Variants in MON2 observed in about 807,000 individuals in gnomAD.
MON2 encodes MON2 regulator of endosome-to-Golgi trafficking.
Under a neutral mutation model 208.6 loss-of-function variants are expected in MON2, and 84 were observed. That is an observed-to-expected ratio of 0.40 (90% CI 0.34 to 0.48). The LOEUF (loss-of-function observed/expected upper bound fraction) is 0.48. Ranked by LOEUF, MON2 falls within the 20% of genes least tolerant of loss-of-function variation. MON2 has a pLI of 0.59. For missense variants in MON2, 1,611 were observed against 2,015.4 expected (o/e 0.80, Z 3.84); for synonymous variants, 660 against 694.0 (o/e 0.95, Z 0.77).
At chr12:62,491,307 A>T (rs1034465030) in intron 2 of MON2, among the ~76,000 whole-genome samples, 1 of 152,182 alleles carries the variant, frequency 6.6e-6, no homozygotes, top group Non-Finnish European at 1.5e-5. Flanking sequence ...GTTCATTCCC[A>T]GTGCTGTTTA....
chr12:62,573,559 A>G (rs2074676447), intron 30 of MON2, among the ~76,000 whole-genome samples: 1 of 151,804 alleles, frequency 6.6e-6, no homozygotes, highest in Non-Finnish European at 1.5e-5. Flanking sequence ...GATCCTGTAT[A>G]TAAAAAAAAA....
intron 32 of MON2, among the ~76,000 whole-genome samples, chr12:62,584,964 T>C (rs1043739346): frequency 6.6e-6 from 1 of 151,798 alleles, no homozygotes; most frequent in African/African-American, 2.4e-5. Flanking sequence ...AGTGCTGTTT[T>C]ATGGTATAGA....
In MON2 at chr12:62,585,312, G is replaced by A. The variant is rs925252023; in HGVS notation, c.4718G>A (p.Arg1573His). 8 of 1,612,832 alleles carry A rather than the reference G, an allele frequency of 5.0e-6. No homozygotes were observed. The highest frequency in any genetic ancestry group is 1.7e-5 in the Admixed American group (1 of 59,944). ...TTTACAGAAGCAGAGATTGATATTCGTTTGAGAGAGGAATTTTCTAAAATG... is the reference window on the plus strand; with the variant it reads ...TTTACAGAAGCAGAGATTGATATTCATTTGAGAGAGGAATTTTCTAAAATG... ...SSFTEAEIDI[R>H]LREEFSKMCF... The change falls in exon 33 of 35, where the codon CGT becomes CAT. Residue 1573 changes from arginine to histidine, a missense_variant. Coordinates refer to ENST00000393630, the MANE Select transcript of MON2 (RefSeq NM_015026.3).
chr12:62,585,065 G>GCACACACA (rs57834850), intron 32 of MON2, among the ~76,000 whole-genome samples: 3 of 98,800 alleles, frequency 3.0e-5, no homozygotes, highest in Non-Finnish European at 5.9e-5. Context: ...CTCTCTACAT[G>GCACACACA]CACACACACA....
chr12:62,473,226 A>C lies in MON2; in HGVS notation c.111+5908A>C, dbSNP rs146803813. Among the ~76,000 whole-genome samples, 25 of 152,342 alleles carry C rather than the reference A, an allele frequency of 1.6e-4. No homozygotes were observed. In the South Asian group the frequency reaches 1.9e-3, roughly 11 times the overall value. On this transcript the variant is annotated intron_variant, in intron 1 of 34. Coordinates refer to ENST00000393630, the MANE Select transcript of MON2 (RefSeq NM_015026.3). ...TTGGAACTTTGCATCCTTAGACTCTAATGCAACATGCCATATTAAATATTT... is the reference window on the plus strand; with the variant it reads ...TTGGAACTTTGCATCCTTAGACTCTCATGCAACATGCCATATTAAATATTT...
chr12:62,590,714 T>C (rs559639967), intron 34 of MON2, among the ~76,000 whole-genome samples: 8 of 152,330 alleles, frequency 5.3e-5, no homozygotes, highest in Admixed American at 1.3e-4. Flanking sequence ...AGAGTCTTGT[T>C]CTGTTGCCCA....
At chr12:62,522,180 G>C (rs1029163266) in intron 8 of MON2, among the ~76,000 whole-genome samples, 1 of 151,774 alleles carries the variant, frequency 6.6e-6, no homozygotes, top group Non-Finnish European at 1.5e-5. Flanking sequence ...GAGTGAAACT[G>C]TCTCAAAAGA....
intron 16 of MON2, 114 bp from the exon 17 acceptor site, chr12:62,537,982 C>A: frequency 1.1e-6 from 1 of 889,020 alleles, no homozygotes; most frequent in African/African-American, 1.7e-5. Context: ...TTTTAAAAAC[C>A]TACTACTGAT....
rs868760697 is a variant in MON2, at chr12:62,593,397, G to A, written c.*648G>A. ...CTTATAATTTGCCTTCATATGTGGC[G>A]GATAAGCTCACCATATGATCATGCA... is the stretch of plus-strand genomic sequence containing the variant. On this transcript the variant is annotated 3_prime_UTR_variant, in exon 35 of 35. Coordinates refer to ENST00000393630, the MANE Select transcript of MON2 (RefSeq NM_015026.3). The A allele has an allele frequency of 3.3e-5, 5 of 152,292 alleles. No individual in the cohort carries two copies. Among genetic ancestry groups the A allele is most frequent in the Non-Finnish European group, 5.9e-5 (4 of 67,954 alleles). The allele number at this position is 152,292 out of a possible 1,614,324, so 9.4% of individuals were successfully genotyped here.
intron 2 of MON2, among the ~76,000 whole-genome samples, chr12:62,490,592 A>G (rs1356374877): frequency 6.6e-6 from 1 of 152,156 alleles, no homozygotes; most frequent in Admixed American, 6.5e-5. Flanking sequence ...AGGAAAAGCA[A>G]TAACTTTTTT....
chr12:62,540,969 T>A (rs1258002706), intron 19 of MON2, among the ~76,000 whole-genome samples: 1 of 152,218 alleles, frequency 6.6e-6, no homozygotes, highest in African/African-American at 2.4e-5. Context: ...AGTTAAATAT[T>A]CTAGGGATTA....
chr12:62,513,068 T>C (rs2071494093), intron 8 of MON2, among the ~76,000 whole-genome samples: 1 of 152,106 alleles, frequency 6.6e-6, no homozygotes, highest in African/African-American at 2.4e-5. Flanking sequence ...GTTTTCCTCA[T>C]AGGCCTCTGG....
chr12:62,573,235 ACT>A (rs1420232378), intron 30 of MON2, among the ~76,000 whole-genome samples: 7 of 152,314 alleles, frequency 4.6e-5, no homozygotes, highest in Admixed American at 2.0e-4. Flanking sequence ...CTTTAAAATA[ACT>A]CTGAAAATTT....
Position 62,598,544 on chromosome 12 carries a change from C to T in MON2, c.*5795C>T, listed in dbSNP as rs2075570829. 6.6e-6 allele frequency: 1 copy of T among 152,138 alleles called. No homozygotes were observed. The highest frequency in any genetic ancestry group is 2.4e-5 in the African/African-American group (1 of 41,428). The allele number at this position is 152,138 out of a possible 1,614,324, so 9.4% of individuals were successfully genotyped here. A position where few individuals can be genotyped will look rare whatever the true frequency, so the allele number is the denominator to read the frequency against. On this transcript the variant is annotated 3_prime_UTR_variant, in exon 35 of 35. Coordinates refer to ENST00000393630, the MANE Select transcript of MON2 (RefSeq NM_015026.3). ...ATTTGCTTTCCATCTCTTACTACTA[C>T]CTCTGTGTCATAATTTAACACGTAA...
At position 62,565,327 on chromosome 12, in the gene MON2, C is replaced by T; in HGVS notation, c.4123C>T (p.Pro1375Ser). Residue 1375 changes from proline to serine, a missense_variant, in exon 27 of 35, where the codon CCA becomes TCA. By Grantham distance (74) the Pro-to-Ser change is moderately conservative. Transcript: ENST00000393630. ...ATTTGTAGAATTTTCCTGTAAACCT[C>T]CACAGTATGGACAGCTGGAAACAAA... ...LAFVEFSCKP[P>S]QYGQLETKHI... 6.2e-7 allele frequency: 1 copy of T among 1,612,778 alleles called. No homozygotes were observed. The highest frequency in any genetic ancestry group is 8.5e-7 in the Non-Finnish European group (1 of 1,179,136).
At chr12:62,519,143 GA>G (rs2071866022) in intron 8 of MON2, among the ~76,000 whole-genome samples, 1 of 152,158 alleles carries the variant, frequency 6.6e-6, no homozygotes, top group Non-Finnish European at 1.5e-5. Context: ...CCATGTGGAA[GA>G]GGGGGTGCTA....
At chr12:62,571,301 A>G (rs2074588661) in intron 29 of MON2, 91 bp from the exon 30 acceptor site, 2 of 948,414 alleles carry the variant, frequency 2.1e-6, no homozygotes, top group Non-Finnish European at 3.0e-6. Flanking sequence ...GAAAATACCT[A>G]TGCTATTTTT....
intron 34 of MON2, among the ~76,000 whole-genome samples, chr12:62,591,876 A>G (rs1455170363): frequency 2.0e-5 from 3 of 152,220 alleles, no homozygotes; most frequent in African/African-American, 7.2e-5. Flanking sequence ...AAAAATACCT[A>G]AAAGTCTAAA....
chr12:62,552,049 T>C lies in MON2; in HGVS notation c.2917-832T>C, dbSNP rs189524987. Among the ~76,000 whole-genome samples, 259 of 152,350 alleles carry C rather than the reference T, an allele frequency of 1.7e-3. 1 individual carries two copies. Among genetic ancestry groups the C allele is most frequent in the African/African-American group, 6.1e-3 (253 of 41,574 alleles). On this transcript the variant is annotated intron_variant, in intron 23 of 34. Coordinates refer to ENST00000393630, the MANE Select transcript of MON2 (RefSeq NM_015026.3). Reference sequence around the variant, plus strand: ...CAATATTACCTAAATACAGTATAACTAGTTACATAGCATTTACCTTATGTT... The same window carrying C: ...CAATATTACCTAAATACAGTATAACCAGTTACATAGCATTTACCTTATGTT...
Sources: allele counts gnomAD v4.1 joint callset (sites outside exome capture counted in the v4.1 genomes callset), GRCh38; gene constraint gnomAD v4.1.1; transcripts MANE v1.5; gene names NCBI Gene and HGNC (gene_info 2026-07-23, HGNC 2026-07-21).